FAM149B1: variants seen among roughly 807,000 people sequenced by gnomAD.
FAM149B1 encodes the protein primary cilium assembly protein FAM149B1.
In FAM149B1, 56 loss-of-function variants were observed where a neutral mutation model predicts 75.3. The ratio of observed to expected loss-of-function variants is 0.74; its 90% CI spans 0.60 to 0.93. FAM149B1 has a LOEUF of 0.93. Among genes scored for constraint, FAM149B1 ranks in the 40% least tolerant of loss-of-function variants. The pLI is 0.00. For synonymous variants in FAM149B1, 259 were observed against 256.1 expected (o/e 1.01, Z -0.11); for missense variants, 639 against 708.4 (o/e 0.90, Z 1.11).
chr10:73,197,030 G>T (rs2042818856), intron 5 of FAM149B1, among the ~76,000 whole-genome samples: 1 of 152,222 alleles, frequency 6.6e-6, no homozygotes, highest in South Asian at 2.1e-4. Context: ...TTGAGACAGG[G>T]TCTTACTCTG....
intron 5 of FAM149B1, among the ~76,000 whole-genome samples, chr10:73,197,618 A>C (rs1320425401): frequency 6.6e-6 from 1 of 152,100 alleles, no homozygotes; most frequent in Non-Finnish European, 1.5e-5. Flanking sequence ...AAAAATATAA[A>C]AATTAGCCAG....
intron 3 of FAM149B1, 119 bp downstream of exon 3, chr10:73,178,094 CATA>C: frequency 9.6e-7 from 1 of 1,042,220 alleles, no homozygotes; most frequent in Non-Finnish European, 1.3e-6. Flanking sequence ...TATCATACTT[CATA>C]ATAACTGTAA....
Position 73,239,328 on chromosome 10 carries a change from G to C in FAM149B1, c.1619G>C (p.Arg540Pro), listed in dbSNP as rs774376072. The change falls in exon 13 of 14, where the codon CGT (arginine) becomes CCT (proline). Residue 540 changes from arginine (R) to proline (P), a missense_variant. Transcript: ENST00000242505. Reference sequence around the variant, plus strand: ...GTCTTGTAGCTGGATACACAGTATCGTCGCTCATGTGCAGTTGAGTATCCT... The same window carrying C: ...GTCTTGTAGCTGGATACACAGTATCCTCGCTCATGTGCAGTTGAGTATCCT... ...TQSFLLDTQY[R>P]RSCAVEYPHQ... is the part of the protein sequence containing the mutation. 1 of 1,551,618 alleles carries C rather than the reference G, an allele frequency of 6.4e-7. No individual in the cohort carries two copies. The highest frequency in any genetic ancestry group is 2.4e-5 in the East Asian group (1 of 40,930).
intron 2 of FAM149B1, among the ~76,000 whole-genome samples, chr10:73,176,014 C>A (rs1332766746): frequency 6.6e-6 from 1 of 152,086 alleles, no homozygotes; most frequent in East Asian, 1.9e-4. Flanking sequence ...CACTTTATTT[C>A]TATTATTTTT....
intron 5 of FAM149B1, among the ~76,000 whole-genome samples, chr10:73,195,696 C>T (rs562260580): frequency 6.6e-6 from 1 of 152,160 alleles, no homozygotes; most frequent in Non-Finnish European, 1.5e-5. Context: ...ACTGCTAATA[C>T]CCTTTCTTTC....
intron 5 of FAM149B1, among the ~76,000 whole-genome samples, chr10:73,206,760 C>A (rs531844745): frequency 6.6e-6 from 1 of 152,046 alleles, no homozygotes; most frequent in Non-Finnish European, 1.5e-5. Flanking sequence ...ACTAAAAATA[C>A]GAAAATTAGC....
intron 12 of FAM149B1, 139 bp from the exon 13 acceptor site, chr10:73,239,173 A>T: frequency 1.6e-6 from 1 of 624,322 alleles, no homozygotes; most frequent in South Asian, 2.2e-5. Context: ...AACCCAGTGC[A>T]CTCAGCTGAC....
At chr10:73,192,252 T>C (rs1359407141) in intron 3 of FAM149B1, 1 of 127,378 alleles carries the variant, frequency 7.9e-6, no homozygotes, top group African/African-American at 3.4e-5. Context: ...GCAGTAGGAG[T>C]GGAGAGGAAA....
chr10:73,211,918 T>C (rs2043192870), intron 7 of FAM149B1, among the ~76,000 whole-genome samples: 1 of 152,136 alleles, frequency 6.6e-6, no homozygotes, highest in African/African-American at 2.4e-5. Flanking sequence ...TTGTGCTCAA[T>C]AGGTAATTTT....
intron 7 of FAM149B1, 95 bp downstream of exon 7, chr10:73,210,533 G>T (rs897079875): frequency 3.3e-5 from 28 of 846,262 alleles, no homozygotes; most frequent in Non-Finnish European, 4.7e-5. Flanking sequence ...AGTGCAAAAG[G>T]TGCGTATGGG....
At chr10:73,211,421 T>A (rs537623613) in intron 7 of FAM149B1, among the ~76,000 whole-genome samples, 5 of 152,218 alleles carry the variant, frequency 3.3e-5, no homozygotes, top group Middle Eastern at 3.2e-3. Flanking sequence ...TTGGGTATTA[T>A]AAGAGTTTTA....
intron 5 of FAM149B1, chr10:73,200,367 A>G (rs945132324): frequency 2.7e-4 from 141 of 528,196 alleles, no homozygotes; most frequent in Non-Finnish European, 2.6e-4. Flanking sequence ...AATACCCAAA[A>G]GGTGATTCTG....
chr10:73,224,597 G>A (rs367768981), intron 7 of FAM149B1, among the ~76,000 whole-genome samples: 11 of 150,652 alleles, frequency 7.3e-5, no homozygotes, highest in Non-Finnish European at 1.2e-4. Context: ...TCAGCCTCCC[G>A]AGTAGCTGGG....
At chr10:73,169,760 C>T (rs2133287772) in intron 1 of FAM149B1, among the ~76,000 whole-genome samples, 1 of 152,280 alleles carries the variant, frequency 6.6e-6, no homozygotes, top group African/African-American at 2.4e-5. Flanking sequence ...CAGCTCACTT[C>T]ACTTTTTGAT....
intron 5 of FAM149B1, among the ~76,000 whole-genome samples, chr10:73,201,815 CAT>C (rs767958266): frequency 4.6e-5 from 7 of 151,854 alleles, no homozygotes; most frequent in South Asian, 2.1e-4. Context: ...CCATATTGCA[CAT>C]GTCTTAATGA....
intron 3 of FAM149B1, among the ~76,000 whole-genome samples, chr10:73,178,364 G>A (rs1032724710): frequency 3.3e-5 from 5 of 152,126 alleles, no homozygotes; most frequent in South Asian, 2.1e-4. Flanking sequence ...GGTGGTGCAT[G>A]CCTGTAATCC....
Position 73,178,489 on chromosome 10 carries a change from CA to C in FAM149B1, c.282+527del, listed in dbSNP as rs10646694. 7.0e-3 allele frequency among the ~76,000 whole-genome samples: 947 copies of C among 135,876 alleles called. 5 individuals carry two copies. The highest frequency in any genetic ancestry group is 0.022 in the African/African-American group (847 of 38,018). 89.1% of individuals were successfully genotyped at this position (135,876 alleles called of 152,430 possible). A position where few individuals can be genotyped will look rare whatever the true frequency, so the allele number is the denominator to read the frequency against. ...CTGGGCAACAAGAACGAAACTGTCT[CA>C]AAAAAAAAAAAACAACAACAAACAG... On this transcript the variant is annotated intron_variant, in intron 3 of 13. Transcript: ENST00000242505.
At chr10:73,228,274 C>G in intron 8 of FAM149B1, 90 bp downstream of exon 8, 4 of 1,061,792 alleles carry the variant, frequency 3.8e-6, no homozygotes, top group Non-Finnish European at 5.6e-6. Flanking sequence ...TGTATGATTT[C>G]TGACTCAATA....
chr10:73,243,315 T>C lies in FAM149B1; in HGVS notation c.*2296T>C. The C allele has an allele frequency of 4.7e-6, 7 of 1,503,246 alleles. No individual in the cohort carries two copies. Among genetic ancestry groups the C allele is most frequent in the Non-Finnish European group, 6.4e-6 (7 of 1,101,064 alleles). The allele number at this position is 1,503,246 out of a possible 1,614,324, so 93.1% of individuals were successfully genotyped here. A position where few individuals can be genotyped will look rare whatever the true frequency, so the allele number is the denominator to read the frequency against. Reference sequence around the variant, plus strand: ...AAGACACCTTTTCTCAAGAGCTGAATTGACTTTTGCCTTCAAATCCTGCCT... The same window carrying C: ...AAGACACCTTTTCTCAAGAGCTGAACTGACTTTTGCCTTCAAATCCTGCCT... On this transcript the variant is annotated 3_prime_UTR_variant, in exon 14 of 14. Coordinates refer to ENST00000242505, the MANE Select transcript of FAM149B1 (RefSeq NM_173348.2).
Sources: gnomAD v4.1 joint callset for allele counts (sites outside exome capture counted in the v4.1 genomes callset) on GRCh38, gnomAD v4.1.1 for gene constraint, MANE v1.5 for transcripts, NCBI Gene and HGNC (gene_info 2026-07-23, HGNC 2026-07-21) for gene names.